Variants in SLC9A8 observed in about 807,000 individuals in gnomAD.
The protein encoded by SLC9A8 is solute carrier family 9 member A8, also known as sodium/hydrogen exchanger 8.
In SLC9A8, 48 loss-of-function variants were observed where a neutral mutation model predicts 66.6. That is an observed-to-expected ratio of 0.72 (90% CI 0.57 to 0.92). The LOEUF is 0.92. Ranked by LOEUF, SLC9A8 falls within the 40% of genes least tolerant of loss-of-function variation. The probability of loss-of-function intolerance (pLI) is 0.00; values close to 1 mark genes in which losing one functional copy is unlikely to be tolerated. For missense variants in SLC9A8, 599 were observed against 747.3 expected, an observed-to-expected ratio of 0.80 and a Z score of 2.31; for synonymous variants, 274 against 282.6, an observed-to-expected ratio of 0.97 and a Z score of 0.31.
At chr20:49,839,809 C>T (rs1234454595) in intron 4 of SLC9A8, among the ~76,000 whole-genome samples, 5 of 152,014 alleles carry the variant, frequency 3.3e-5, no homozygotes, top group African/African-American at 9.7e-5. Context: ...TGAACATGGG[C>T]GCCAATGTCA....
intron 3 of SLC9A8, among the ~76,000 whole-genome samples, chr20:49,834,350 GTATATA>G (rs375573098): frequency 6.8e-5 from 4 of 58,558 alleles, no homozygotes; most frequent in Admixed American, 1.7e-4. Flanking sequence ...TATATATACT[GTATATA>G]TATATATACT....
chr20:49,819,318 CCTTT>C (rs1297955014), intron 2 of SLC9A8, among the ~76,000 whole-genome samples: 1 of 152,146 alleles, frequency 6.6e-6, no homozygotes, highest in African/African-American at 2.4e-5. Context: ...AAGTGTTTGC[CCTTT>C]CTTGCTCGGT....
intron 3 of SLC9A8, among the ~76,000 whole-genome samples, chr20:49,828,205 C>T (rs925300752): frequency 3.3e-5 from 5 of 151,066 alleles, no homozygotes; most frequent in Admixed American, 3.3e-4. Flanking sequence ...CTCAGCCTCC[C>T]GAGTAGCTGG....
chr20:49,834,970 A>G (rs2087469609), intron 3 of SLC9A8, among the ~76,000 whole-genome samples: 1 of 152,246 alleles, frequency 6.6e-6, no homozygotes, highest in Non-Finnish European at 1.5e-5. Flanking sequence ...ATACAAATTG[A>G]AACATTAAAG....
At chr20:49,856,764 G>A (rs912937034) in intron 8 of SLC9A8, among the ~76,000 whole-genome samples, 1 of 150,744 alleles carries the variant, frequency 6.6e-6, no homozygotes, top group African/African-American at 2.5e-5. Flanking sequence ...GGAGGTTGCA[G>A]TGAGCCGAGA....
At chr20:49,883,631 T>C (rs1330519134) in intron 13 of SLC9A8, among the ~76,000 whole-genome samples, 1 of 152,186 alleles carries the variant, frequency 6.6e-6, no homozygotes, top group Non-Finnish European at 1.5e-5. Flanking sequence ...TCTCATTTGA[T>C]CTGCCAATGT....
At chr20:49,830,710 G>A (rs1444915680) in intron 3 of SLC9A8, 2 of 691,410 alleles carry the variant, frequency 2.9e-6, no homozygotes, top group Non-Finnish European at 5.3e-6. Flanking sequence ...TCCTTCCTAG[G>A]TGAAGTTGGC....
intron 3 of SLC9A8, among the ~76,000 whole-genome samples, chr20:49,836,218 T>A (rs1031924720): frequency 1.3e-5 from 2 of 152,236 alleles, no homozygotes; most frequent in Non-Finnish European, 2.9e-5. Context: ...TTTTCAAGAT[T>A]CTTCCATGTT....
chr20:49,822,996 C>A, intron 2 of SLC9A8, 65 bp from the exon 3 acceptor site: 2 of 1,320,454 alleles, frequency 1.5e-6, no homozygotes, highest in Non-Finnish European at 2.2e-6. Flanking sequence ...CTGACTTGAA[C>A]TTGGTGTTTA....
intron 11 of SLC9A8, 86 bp from the exon 12 acceptor site, chr20:49,877,895 T>G: frequency 4.6e-6 from 4 of 863,648 alleles, no homozygotes; most frequent in Non-Finnish European, 7.1e-6. Flanking sequence ...GGATTCTGAC[T>G]GTGAATGTTT....
intron 11 of SLC9A8, among the ~76,000 whole-genome samples, chr20:49,876,140 GTAGT>G (rs1371211464): frequency 3.3e-5 from 5 of 152,184 alleles, no homozygotes; most frequent in Admixed American, 3.3e-4. Flanking sequence ...CAGGTGAGGA[GTAGT>G]CACATGACTT....
chr20:49,862,698 C>T (rs566863298), intron 8 of SLC9A8, among the ~76,000 whole-genome samples: 1 of 152,238 alleles, frequency 6.6e-6, no homozygotes, highest in South Asian at 2.1e-4. Flanking sequence ...CCCTCATTAG[C>T]CTGAGGGGAG....
Position 49,855,438 on chromosome 20 carries a change from T to C in SLC9A8, c.570T>C (p.Ser190=), listed in dbSNP as rs145749915. The change falls in exon 8 of 16, where the codon AGT becomes AGC. Residue 190 remains serine (S), a splice_region_variant and synonymous_variant. Transcript: ENST00000361573. ...DVISKLNMTD[S]FAFGSLISAV... ...CTCCCCTTCCCTCTGTCTCTTACAG[T>C]TTTGCGTTTGGCTCCCTAATATCTG... The C allele has an allele frequency of 1.1e-4, 177 of 1,614,040 alleles. No individual in the cohort carries two copies. The highest frequency in any genetic ancestry group is 1.4e-4 in the Non-Finnish European group (164 of 1,179,930).
chr20:49,824,176 T>C (rs759792530), intron 3 of SLC9A8, among the ~76,000 whole-genome samples: 1 of 152,220 alleles, frequency 6.6e-6, no homozygotes, highest in Non-Finnish European at 1.5e-5. Context: ...TTATGCCTTA[T>C]GACCTCCAGG....
chr20:49,819,327 C>A (rs2086657529), intron 2 of SLC9A8, among the ~76,000 whole-genome samples: 1 of 152,176 alleles, frequency 6.6e-6, no homozygotes, highest in Admixed American at 6.5e-5. Context: ...CCCTTTCTTG[C>A]TCGGTTTTTT....
chr20:49,828,936 T>C (rs1055654863), intron 3 of SLC9A8, among the ~76,000 whole-genome samples: 2 of 150,700 alleles, frequency 1.3e-5, no homozygotes, highest in African/African-American at 4.9e-5. Context: ...TGTGTGTGTA[T>C]GTATGCATTT....
At position 49,855,450 on chromosome 20, in the gene SLC9A8, C is replaced by T; in HGVS notation, c.582C>T (p.Gly194=). ...CTGTCTCTTACAGTTTTGCGTTTGGCTCCCTAATATCTGCTGTCGATCCAG... is the reference window on the plus strand; with the variant it reads ...CTGTCTCTTACAGTTTTGCGTTTGGTTCCCTAATATCTGCTGTCGATCCAG... ...KLNMTDSFAF[G]SLISAVDPVA... Residue 194 remains glycine (G), a synonymous_variant, in exon 8 of 16, where the codon GGC becomes GGT. Coordinates refer to ENST00000361573, the MANE Select transcript of SLC9A8 (RefSeq NM_015266.3). The T allele has an allele frequency of 6.2e-7, 1 of 1,614,150 alleles. No individual in the cohort carries two copies. Among genetic ancestry groups the T allele is most frequent in the Non-Finnish European group, 8.5e-7 (1 of 1,179,984 alleles).
chr20:49,871,250 C>T (rs151082397), intron 10 of SLC9A8, among the ~76,000 whole-genome samples: 102 of 152,314 alleles, frequency 6.7e-4, no homozygotes, highest in African/African-American at 2.3e-3. Flanking sequence ...TACAGTAAGG[C>T]ACGGTACAGT....
At chr20:49,838,107 A>G (rs2087615174) in intron 3 of SLC9A8, among the ~76,000 whole-genome samples, 1 of 152,126 alleles carries the variant, frequency 6.6e-6, no homozygotes, top group Admixed American at 6.6e-5. Context: ...AGTTAAATAT[A>G]TGTAAGAGGA....
Sources: gnomAD v4.1 joint callset for allele counts (sites outside exome capture counted in the v4.1 genomes callset) on GRCh38, gnomAD v4.1.1 for gene constraint, MANE v1.5 for transcripts, NCBI Gene and HGNC (gene_info 2026-07-23, HGNC 2026-07-21) for gene names.